Variants in PIK3C2G observed in about 807,000 individuals in gnomAD.
PIK3C2G encodes phosphatidylinositol-4-phosphate 3-kinase catalytic subunit type 2 gamma, also known as phosphatidylinositol 3-kinase C2 domain-containing subunit gamma.
A neutral mutation model predicts 181.1 loss-of-function variants in PIK3C2G; 168 were observed. That is an observed-to-expected ratio of 0.93 (90% confidence interval 0.82 to 1.05). PIK3C2G has a LOEUF of 1.05. Among genes scored for constraint, PIK3C2G ranks in the 50% least tolerant of loss-of-function variants. The pLI is 0.00. For missense variants in PIK3C2G, 1,869 were observed against 1,732.8 expected, an observed-to-expected ratio of 1.08 and a Z score of -1.40; for synonymous variants, 573 against 592.2, an observed-to-expected ratio of 0.97 and a Z score of 0.47.
chr12:18,460,118 G>A lies in PIK3C2G; in HGVS notation c.2505-28331G>A, dbSNP rs111645028. Reference sequence around the variant, plus strand: ...CATGTTATACTTATTAAGGCAGAGTGATATCGTGTTTAAGAATAATGACCC... The same window carrying A: ...CATGTTATACTTATTAAGGCAGAGTAATATCGTGTTTAAGAATAATGACCC... On this transcript the variant is annotated intron_variant, in intron 18 of 32. Transcript: ENST00000538779. Among the ~76,000 whole-genome samples the A allele has an allele frequency of 4.6e-5, 7 of 152,184 alleles. 1 individual carries two copies. Among genetic ancestry groups the A allele is most frequent in the African/African-American group, 1.7e-4 (7 of 41,538 alleles).
At chr12:18,385,986 C>T (rs1943143981) in intron 14 of PIK3C2G, among the ~76,000 whole-genome samples, 1 of 152,086 alleles carries the variant, frequency 6.6e-6, no homozygotes, top group Non-Finnish European at 1.5e-5. Flanking sequence ...GCTAGCCCTC[C>T]CTCTGCTCTT....
At chr12:18,605,535 A>C (rs1272359359) in intron 30 of PIK3C2G, among the ~76,000 whole-genome samples, 1 of 152,182 alleles carries the variant, frequency 6.6e-6, no homozygotes, top group Non-Finnish European at 1.5e-5. Context: ...CATTATATGA[A>C]GCCAGCATTA....
intron 15 of PIK3C2G, among the ~76,000 whole-genome samples, chr12:18,392,319 C>A (rs1057087771): frequency 4.6e-5 from 7 of 152,034 alleles, no homozygotes; most frequent in Non-Finnish European, 1.0e-4. Context: ...TTAGTTTGGG[C>A]CCTCCCATAC....
At chr12:18,407,801 G>A (rs1944624172) in intron 16 of PIK3C2G, among the ~76,000 whole-genome samples, 1 of 152,090 alleles carries the variant, frequency 6.6e-6, no homozygotes, top group Non-Finnish European at 1.5e-5. Context: ...GATTTTCCGG[G>A]AAGAAAGAAC....
Position 18,648,235 on chromosome 12 carries a change from G to A in PIK3C2G, c.*207G>A. 2 of 315,616 alleles carry A rather than the reference G, an allele frequency of 6.3e-6. No homozygotes were observed. Among genetic ancestry groups the A allele is most frequent in the South Asian group, 2.8e-4 (2 of 7,248 alleles). The allele number at this position is 315,616 out of a possible 1,614,324, so 19.6% of individuals were successfully genotyped here. Reference sequence around the variant, plus strand: ...TTTCATAATCTTTTCTCCTTCAGTGGAGTACTGATTGCATGAAATTTGATG... The same window carrying A: ...TTTCATAATCTTTTCTCCTTCAGTGAAGTACTGATTGCATGAAATTTGATG... On this transcript the variant is annotated 3_prime_UTR_variant, in exon 33 of 33. Coordinates refer to ENST00000538779, the MANE Select transcript of PIK3C2G (RefSeq NM_001288772.2).
At chr12:18,424,813 G>T in intron 18 of PIK3C2G, 1 of 210,394 alleles carries the variant, frequency 4.8e-6, no homozygotes, top group South Asian at 9.0e-5. Flanking sequence ...CTGGGTATAT[G>T]ACTGGAGCAG....
the PIK3C2G span, among the ~76,000 whole-genome samples, chr12:18,656,818 T>C: frequency 1.9e-4 from 29 of 152,080 alleles, no homozygotes; most frequent in African/African-American, 6.0e-4. Flanking sequence ...ATTAGAACAA[T>C]TGAAACCAAT....
At chr12:18,705,394 T>G in the PIK3C2G span, 1 of 1,532,614 alleles carries the variant, frequency 6.5e-7, no homozygotes, top group Non-Finnish European at 9.0e-7. Context: ...GTGCTTAATG[T>G]ATTTTAAAAC....
chr12:18,248,208 C>T (rs1358168412), intron 1 of PIK3C2G: 2 of 152,192 alleles, frequency 1.3e-5, no homozygotes, highest in Non-Finnish European at 2.9e-5. Flanking sequence ...TGTAAATTCT[C>T]TCCCTCTCTT....
chr12:18,718,240 T>C, the PIK3C2G span, among the ~76,000 whole-genome samples: 1 of 152,184 alleles, frequency 6.6e-6, no homozygotes, highest in Non-Finnish European at 1.5e-5. Context: ...CAAATTCAAC[T>C]ACTTGTCATC....
At chr12:18,508,796 T>G (rs189889032) in intron 24 of PIK3C2G, among the ~76,000 whole-genome samples, 3 of 152,198 alleles carry the variant, frequency 2.0e-5, no homozygotes, top group Admixed American at 2.0e-4. Context: ...AAAACCAGAT[T>G]TATAAATCAT....
the PIK3C2G span, among the ~76,000 whole-genome samples, chr12:18,676,176 A>G: frequency 6.6e-6 from 1 of 152,120 alleles, no homozygotes; most frequent in Non-Finnish European, 1.5e-5. Flanking sequence ...AACTGAATAC[A>G]TGGAACTGAA....
chr12:18,606,690 GGTATAATTTTCAA>G (rs1385241145), intron 30 of PIK3C2G, among the ~76,000 whole-genome samples: 19 of 151,980 alleles, frequency 1.3e-4, no homozygotes, highest in Admixed American at 1.1e-3. Flanking sequence ...ACACTGCTCA[GGTATAATTTTCAA>G]ATCTTAGAGA....
chr12:18,430,144 C>T (rs1946072530), intron 18 of PIK3C2G, among the ~76,000 whole-genome samples: 1 of 152,128 alleles, frequency 6.6e-6, no homozygotes, highest in South Asian at 2.1e-4. Context: ...AGAACCTGAC[C>T]TACAATAAGT....
At chr12:18,421,180 A>C (rs2135702899) in intron 17 of PIK3C2G, 146 bp downstream of exon 17, 1 of 423,472 alleles carries the variant, frequency 2.4e-6, no homozygotes, top group East Asian at 3.5e-5. Context: ...TGGGTAATGA[A>C]GACATTCTCT....
intron 16 of PIK3C2G, among the ~76,000 whole-genome samples, chr12:18,401,058 A>G (rs1456843685): frequency 6.6e-6 from 1 of 152,020 alleles, no homozygotes; most frequent in Admixed American, 6.6e-5. Context: ...AACAGGTAAA[A>G]TGTGTATATT....
intron 31 of PIK3C2G, among the ~76,000 whole-genome samples, chr12:18,611,881 C>G (rs1291260607): frequency 6.6e-6 from 1 of 152,154 alleles, no homozygotes; most frequent in East Asian, 1.9e-4. Context: ...GCTATAGTTT[C>G]TTAACAGTTG....
At chr12:18,534,900 C>T (rs1943765555) in intron 24 of PIK3C2G, among the ~76,000 whole-genome samples, 1 of 150,594 alleles carries the variant, frequency 6.6e-6, no homozygotes, top group Non-Finnish European at 1.5e-5. Flanking sequence ...GGTAAAACCA[C>T]TAATCTAGAA....
intron 14 of PIK3C2G, among the ~76,000 whole-genome samples, chr12:18,386,349 G>A (rs1943172335): frequency 6.6e-6 from 1 of 152,180 alleles, no homozygotes; most frequent in African/African-American, 2.4e-5. Context: ...GTAGTTTTTA[G>A]TATTTTCACA....
Sources: allele counts gnomAD v4.1 joint callset (sites outside exome capture counted in the v4.1 genomes callset), GRCh38; gene constraint gnomAD v4.1.1; transcripts MANE v1.5; gene names NCBI Gene and HGNC (gene_info 2026-07-23, HGNC 2026-07-21).